The following MAPKAPK3 variants were observed in gnomAD, a reference collection of about 807,000 sequenced individuals.
MAPKAPK3 encodes MAP kinase-activated protein kinase 3.
MAPKAPK3 carries 35 observed loss-of-function variants against 49.2 expected under a neutral mutation model. The observed-to-expected ratio is 0.71, with a 90% CI of 0.54 to 0.94. MAPKAPK3 has a LOEUF of 0.94. MAPKAPK3 is among the 40% of genes least tolerant of loss of function. The probability of loss-of-function intolerance (pLI) is 0.00; values close to 1 mark genes in which losing one functional copy is unlikely to be tolerated. For missense variants in MAPKAPK3, 398 were observed against 493.1 expected, an observed-to-expected ratio of 0.81 and a Z score of 1.83; for synonymous variants, 178 against 188.7, an observed-to-expected ratio of 0.94 and a Z score of 0.46.
chr3:50,642,938 G>A (rs951092787), intron 5 of MAPKAPK3, among the ~76,000 whole-genome samples: 2 of 152,182 alleles, frequency 1.3e-5, no homozygotes, highest in African/African-American at 2.4e-5. Flanking sequence ...TGCAGCTTCC[G>A]CCTCCCAGGT....
intron 2 of MAPKAPK3, among the ~76,000 whole-genome samples, chr3:50,629,986 T>C (rs1314663966): frequency 2.0e-5 from 3 of 152,216 alleles, no homozygotes; most frequent in Non-Finnish European, 4.4e-5. Context: ...CCAAGAACTC[T>C]GGTGAGAAGT....
chr3:50,623,490 T>A (rs544255656), intron 2 of MAPKAPK3, among the ~76,000 whole-genome samples: 1 of 152,260 alleles, frequency 6.6e-6, no homozygotes, highest in South Asian at 2.1e-4. Flanking sequence ...TCTTTTCCCA[T>A]CCCATCTAGG....
At chr3:50,642,707 G>A (rs1350448690) in intron 5 of MAPKAPK3, among the ~76,000 whole-genome samples, 1 of 152,222 alleles carries the variant, frequency 6.6e-6, no homozygotes, top group Non-Finnish European at 1.5e-5. Flanking sequence ...AACATTAAGT[G>A]ACTTGCCCAG....
upstream of MAPKAPK3, among the ~76,000 whole-genome samples, chr3:50,614,442 C>T (rs1371144220): frequency 6.6e-6 from 1 of 152,036 alleles, no homozygotes; most frequent in East Asian, 1.9e-4. Context: ...CCAAAAGTCT[C>T]GCTCATTTGG....
Position 50,641,646 on chromosome 3 carries a change from G to A in MAPKAPK3, c.360-61G>A, listed in dbSNP as rs1026307843. 13 of 1,385,488 alleles carry A rather than the reference G, an allele frequency of 9.4e-6. No homozygotes were observed. In the African/African-American group the frequency reaches 1.3e-4, roughly 14 times the overall value. 85.8% of individuals were successfully genotyped at this position (1,385,488 alleles called of 1,614,324 possible). ...AAGCCTGGGCCTATGATTTGGGGCA[G>A]GGGCAAGGGTAGGATGATGTGCAGT... is the stretch of plus-strand genomic sequence containing the variant. On this transcript the variant is annotated intron_variant, in intron 3 of 10. Coordinates refer to ENST00000621469, the MANE Select transcript of MAPKAPK3 (RefSeq NM_001243925.2).
intron 2 of MAPKAPK3, among the ~76,000 whole-genome samples, chr3:50,621,794 A>G (rs2032617274): frequency 6.6e-6 from 1 of 152,120 alleles, no homozygotes; most frequent in Admixed American, 6.6e-5. Flanking sequence ...AAAGAAAAGC[A>G]ATAAAAGGCC....
chr3:50,617,575 G>C lies in MAPKAPK3; in HGVS notation c.10G>C (p.Glu4Gln), dbSNP rs766895982. 5.8e-6 allele frequency: 9 copies of C among 1,561,070 alleles called. No individual in the cohort carries two copies. The highest frequency in any genetic ancestry group is 4.5e-5 in the East Asian group (2 of 44,576). MDGETAEEQGGPVP... is the reference protein window; with the variant it reads MDGQTAEEQGGPVP... ...GCGCCCCGCGGGGGCCATGGATGGT[G>C]AAACAGCAGAGGAGCAGGGGGGCCC... Residue 4 changes from glutamate (E) to glutamine (Q), a missense_variant, in exon 2 of 11, where the codon GAA becomes CAA. Glu to Gln is a conservative substitution (Grantham distance 29, BLOSUM62 2). Coordinates refer to ENST00000621469, the MANE Select transcript of MAPKAPK3 (RefSeq NM_001243925.2).
At chr3:50,614,498 A>AGTGT (rs1421448777), upstream of MAPKAPK3, among the ~76,000 whole-genome samples, 1 of 113,216 alleles carries the variant, frequency 8.8e-6, no homozygotes, top group African/African-American at 4.2e-5. Flanking sequence ...CAGTAAGGAC[A>AGTGT]GAGTGTGTGT....
At chr3:50,627,622 C>T (rs554186203) in intron 2 of MAPKAPK3, among the ~76,000 whole-genome samples, 81 of 152,272 alleles carry the variant, frequency 5.3e-4, no homozygotes, top group African/African-American at 1.8e-3. Context: ...GAGTGAGTCA[C>T]TGCCGCCTAG....
At chr3:50,622,566 A>G (rs1367308487) in intron 2 of MAPKAPK3, among the ~76,000 whole-genome samples, 2 of 152,226 alleles carry the variant, frequency 1.3e-5, no homozygotes, top group African/African-American at 2.4e-5. Context: ...GCTTATGAAA[A>G]TGACCAGGCT....
chr3:50,619,180 G>T (rs1233444763), intron 2 of MAPKAPK3, among the ~76,000 whole-genome samples: 5 of 152,208 alleles, frequency 3.3e-5, no homozygotes, highest in Non-Finnish European at 7.3e-5. Flanking sequence ...AAAGCACTTG[G>T]TACAGGACCT....
In MAPKAPK3 at chr3:50,647,976, G is replaced by C; in HGVS notation, c.1079G>C (p.Arg360Pro). ...AAGGACCTGAAGACCTCTAACAACCGGCTCCTCAACAAGAGGAGAAAAAAG... is the reference window on the plus strand; with the variant it reads ...AAGGACCTGAAGACCTCTAACAACCCGCTCCTCAACAAGAGGAGAAAAAAG... ...KIKDLKTSNN[R>P]LLNKRRKKQA... Residue 360 changes from arginine to proline, a missense_variant, in exon 11 of 11, where the codon CGG (arginine) becomes CCG (proline). By Grantham distance (103) the Arg-to-Pro change is moderately radical. This residue lies in a region of MAPKAPK3 where 152 missense variants were observed against 177.3 expected (regional missense o/e 0.86). Transcript: ENST00000621469. The C allele has an allele frequency of 6.2e-7, 1 of 1,613,796 alleles. No homozygotes were observed.
intron 2 of MAPKAPK3, among the ~76,000 whole-genome samples, chr3:50,639,860 G>A (rs1297427378): frequency 6.6e-6 from 1 of 152,096 alleles, no homozygotes; most frequent in East Asian, 1.9e-4. Context: ...AGATGCCCAG[G>A]GTGAGAATCA....
At chr3:50,624,323 G>A (rs2032683116) in intron 2 of MAPKAPK3, among the ~76,000 whole-genome samples, 1 of 152,196 alleles carries the variant, frequency 6.6e-6, no homozygotes, top group East Asian at 1.9e-4. Flanking sequence ...GTGCATGTGT[G>A]TGACAATATG....
intron 3 of MAPKAPK3, 48 bp from the exon 4 acceptor site, chr3:50,641,659 G>C: frequency 1.4e-6 from 2 of 1,474,498 alleles, no homozygotes; most frequent in Non-Finnish European, 1.9e-6. Flanking sequence ...GCAAGGGTAG[G>C]ATGATGTGCA....
chr3:50,637,160 G>A (rs1256743266), intron 2 of MAPKAPK3, among the ~76,000 whole-genome samples: 3 of 152,046 alleles, frequency 2.0e-5, no homozygotes, highest in African/African-American at 7.2e-5. Flanking sequence ...GCCATCTACC[G>A]CCCTCCTTCT....
chr3:50,637,187 C>G (rs1215382449), intron 2 of MAPKAPK3, among the ~76,000 whole-genome samples: 1 of 152,114 alleles, frequency 6.6e-6, no homozygotes, highest in Non-Finnish European at 1.5e-5. Flanking sequence ...CTGGCTCCTC[C>G]TATCTCCCTC....
chr3:50,619,835 C>G (rs1429588770), intron 2 of MAPKAPK3, among the ~76,000 whole-genome samples: 1 of 152,188 alleles, frequency 6.6e-6, no homozygotes, highest in Non-Finnish European at 1.5e-5. Context: ...CTTCTGACTG[C>G]AAGAACTTCC....
intron 5 of MAPKAPK3, among the ~76,000 whole-genome samples, chr3:50,642,587 C>T (rs2033200480): frequency 6.6e-6 from 1 of 152,222 alleles, no homozygotes; most frequent in African/African-American, 2.4e-5. Context: ...TAACTGACTG[C>T]CTGCCTAAAG....
Sources: gnomAD v4.1 joint callset for allele counts (sites outside exome capture counted in the v4.1 genomes callset) on GRCh38, gnomAD v4.1.1 for gene constraint, gnomAD v4.1.1 regional missense constraint, MANE v1.5 for transcripts, NCBI Gene and HGNC (gene_info 2026-07-23, HGNC 2026-07-21) for gene names.